The following ENTREP2 variants were observed in gnomAD, a reference collection of about 807,000 sequenced individuals.
The protein encoded by ENTREP2 is endosomal transmembrane epsin interactor 2.
chr15:29,282,791 G>A, the ENTREP2 span, among the ~76,000 whole-genome samples: 23 of 152,160 alleles, frequency 1.5e-4, no homozygotes, highest in African/African-American at 4.8e-4. Context: ...CTTGTTGCCT[G>A]GACTCCTCCA....
chr15:29,669,838 C>T, the ENTREP2 span, among the ~76,000 whole-genome samples: 1 of 152,182 alleles, frequency 6.6e-6, no homozygotes, highest in Admixed American at 6.5e-5. Context: ...TCATCCCGGT[C>T]CCTATTACCA....
At chr15:29,475,893 CT>C in the ENTREP2 span, among the ~76,000 whole-genome samples, 1 of 152,314 alleles carries the variant, frequency 6.6e-6, no homozygotes, top group Admixed American at 6.5e-5. Flanking sequence ...GACAGGTCTC[CT>C]ACTTCCCTGC....
At chr15:29,269,491 TGGGCCC>T in the ENTREP2 span, 1 of 1,609,164 alleles carries the variant, frequency 6.2e-7, no homozygotes, top group South Asian at 1.1e-5. Context: ...GGGGGCGGCC[TGGGCCC>T]GGCGGGCGCC....
At chr15:29,322,301 T>C in the ENTREP2 span, among the ~76,000 whole-genome samples, 1 of 152,194 alleles carries the variant, frequency 6.6e-6, no homozygotes, top group East Asian at 1.9e-4. Flanking sequence ...TATATTCTAT[T>C]GGCAATTTTC....
the ENTREP2 span, among the ~76,000 whole-genome samples, chr15:29,470,686 G>A: frequency 1.3e-5 from 2 of 152,310 alleles, no homozygotes; most frequent in Admixed American, 6.5e-5. Flanking sequence ...ACAGCATCCT[G>A]ACAGTGGCCA....
At chr15:29,668,602 T>C in the ENTREP2 span, among the ~76,000 whole-genome samples, 3 of 152,196 alleles carry the variant, frequency 2.0e-5, no homozygotes, top group Non-Finnish European at 2.9e-5. Flanking sequence ...TACTGATTGA[T>C]ACTACAACAT....
At chr15:29,252,578 G>A in the ENTREP2 span, 1 of 624,632 alleles carries the variant, frequency 1.6e-6, no homozygotes, top group South Asian at 2.5e-5. Context: ...TACAACAGTT[G>A]ATCACATAAT....
the ENTREP2 span, among the ~76,000 whole-genome samples, chr15:29,310,085 A>G: frequency 6.6e-6 from 1 of 152,144 alleles, no homozygotes; most frequent in East Asian, 1.9e-4. Flanking sequence ...AGCAATCAAG[A>G]CAGGAAGAAA....
chr15:29,468,727 T>C, the ENTREP2 span, among the ~76,000 whole-genome samples: 1 of 152,138 alleles, frequency 6.6e-6, no homozygotes, highest in East Asian at 1.9e-4. Flanking sequence ...TTTGGATGCA[T>C]TTTTGTTAAA....
At chr15:29,257,065 T>C in the ENTREP2 span, among the ~76,000 whole-genome samples, 1 of 150,308 alleles carries the variant, frequency 6.7e-6, no homozygotes, top group East Asian at 1.9e-4. Flanking sequence ...TTTATTTATT[T>C]ATTTATTTAT....
At chr15:29,248,934 C>T in the ENTREP2 span, among the ~76,000 whole-genome samples, 2 of 152,204 alleles carry the variant, frequency 1.3e-5, no homozygotes, top group Non-Finnish European at 1.5e-5. Context: ...ATGGCCATCT[C>T]TCTAATTGCA....
chr15:29,219,349 G>A, the ENTREP2 span, among the ~76,000 whole-genome samples: 1 of 151,800 alleles, frequency 6.6e-6, no homozygotes, highest in Non-Finnish European at 1.5e-5. Context: ...CAGTAAACAG[G>A]GAACACTTCT....
the ENTREP2 span, among the ~76,000 whole-genome samples, chr15:29,478,099 A>C: frequency 3.0e-5 from 4 of 132,012 alleles, no homozygotes; most frequent in African/African-American, 1.2e-4. Flanking sequence ...ATCTCAGCTC[A>C]CTGCAAGCTC....
the ENTREP2 span, among the ~76,000 whole-genome samples, chr15:29,367,674 C>T: frequency 8.5e-5 from 13 of 152,158 alleles, no homozygotes; most frequent in Non-Finnish European, 1.8e-4. Context: ...TGACAACTGC[C>T]TTGCAGAATG....
At chr15:29,194,805 T>G in the ENTREP2 span, among the ~76,000 whole-genome samples, 1 of 152,140 alleles carries the variant, frequency 6.6e-6, no homozygotes, top group Non-Finnish European at 1.5e-5. Flanking sequence ...CTGCATCCCA[T>G]GAGTGAAGGC....
the ENTREP2 span, among the ~76,000 whole-genome samples, chr15:29,448,670 A>T: frequency 6.6e-6 from 1 of 152,212 alleles, no homozygotes; most frequent in Admixed American, 6.5e-5. Flanking sequence ...TAAATTTTTC[A>T]AATCAATAAT....
the ENTREP2 span, among the ~76,000 whole-genome samples, chr15:29,425,668 G>A: frequency 6.6e-6 from 1 of 151,950 alleles, no homozygotes; most frequent in East Asian, 1.9e-4. Context: ...TAATTTTCCT[G>A]TCTTTTGCTA....
chr15:29,322,491 GA>G, the ENTREP2 span, among the ~76,000 whole-genome samples: 1 of 151,990 alleles, frequency 6.6e-6, no homozygotes, highest in Non-Finnish European at 1.5e-5. Context: ...TAATATGAAA[GA>G]AAAATAAATC....
chr15:29,179,725 C>T, the ENTREP2 span, among the ~76,000 whole-genome samples: 1 of 150,208 alleles, frequency 6.7e-6, no homozygotes, highest in Non-Finnish European at 1.5e-5. Context: ...GGACTACAGG[C>T]GCCCGCCATC....
Sources: allele counts gnomAD v4.1 joint callset (sites outside exome capture counted in the v4.1 genomes callset), GRCh38; gene constraint gnomAD v4.1.1; transcripts MANE v1.5; gene names NCBI Gene and HGNC (gene_info 2026-07-23, HGNC 2026-07-21).